TCEANC2: variants seen among roughly 807,000 people sequenced by gnomAD.
TCEANC2 encodes the protein transcription elongation factor A N-terminal and central domain containing 2.
Under a neutral mutation model 22.8 loss-of-function variants are expected in TCEANC2, and 20 were observed. The ratio of observed to expected loss-of-function variants is 0.88; its 90% confidence interval spans 0.62 to 1.28. TCEANC2 has a LOEUF of 1.28. TCEANC2 is among the 50% of genes most tolerant of loss of function. TCEANC2 has a pLI of 0.00. For synonymous variants in TCEANC2, 84 were observed against 95.5 expected, an observed-to-expected ratio of 0.88 and a Z score of 0.70; for missense variants, 251 against 249.7, an observed-to-expected ratio of 1.01 and a Z score of -0.03.
chr1:54,085,301 G>T (rs1658318159), intron 3 of TCEANC2, among the ~76,000 whole-genome samples: 1 of 152,170 alleles, frequency 6.6e-6, no homozygotes. Context: ...TTCAATAAAT[G>T]TGTGGAGAAT....
At chr1:54,074,186 G>A (rs939835473) in intron 3 of TCEANC2, among the ~76,000 whole-genome samples, 2 of 152,126 alleles carry the variant, frequency 1.3e-5, no homozygotes, top group African/African-American at 2.4e-5. Context: ...ATAAGCTGCC[G>A]GGCGCAGTGG....
At chr1:54,082,825 C>T (rs1436226843) in intron 3 of TCEANC2, among the ~76,000 whole-genome samples, 1 of 151,992 alleles carries the variant, frequency 6.6e-6, no homozygotes, top group East Asian at 1.9e-4. Context: ...GGAGAACCAT[C>T]GGAGGATTTT....
At chr1:54,109,744 A>G (rs867381564), downstream of TCEANC2, among the ~76,000 whole-genome samples, 8 of 152,298 alleles carry the variant, frequency 5.3e-5, no homozygotes, top group Middle Eastern at 6.8e-3. Flanking sequence ...TCCCTCAGCC[A>G]TGGGTTTTCA....
chr1:54,099,229 G>C lies in TCEANC2; in HGVS notation c.*2756G>C, dbSNP rs1250746868. On this transcript the variant is annotated 3_prime_UTR_variant, in exon 5 of 5. Transcript: ENST00000234827. Reference sequence around the variant, plus strand: ...GCTCTCTGGCTGAAAGCCTTCAGTGGTGATAGTTGGAAAGTAGAATGATTG... The same window carrying C: ...GCTCTCTGGCTGAAAGCCTTCAGTGCTGATAGTTGGAAAGTAGAATGATTG... The C allele has an allele frequency of 6.6e-6, 1 of 152,260 alleles. No individual in the cohort carries two copies. Among genetic ancestry groups the C allele is most frequent in the Non-Finnish European group, 1.5e-5 (1 of 68,048 alleles). The allele number at this position is 152,260 out of a possible 1,614,324, so 9.4% of individuals were successfully genotyped here.
At position 54,104,517 on chromosome 1, in the gene TCEANC2, ACTT is replaced by A. The variant is rs1337160665; in HGVS notation, c.*8048_*8050del. 1 of 439,824 alleles carries A rather than the reference ACTT, an allele frequency of 2.3e-6. No homozygotes were observed. The highest frequency in any genetic ancestry group is 4.5e-6 in the Non-Finnish European group (1 of 219,864). The allele number at this position is 439,824 out of a possible 1,614,324, so 27.2% of individuals were successfully genotyped here. ...TGGTACTCAGTTGATTCACGTGGAG[ACTT>A]CTTGGTATTCCTTTGCCCAATTTTT... On this transcript the variant is annotated 3_prime_UTR_variant, in exon 5 of 5. Coordinates refer to ENST00000234827, the MANE Select transcript of TCEANC2 (RefSeq NM_153035.3).
intron 3 of TCEANC2, among the ~76,000 whole-genome samples, chr1:54,077,976 A>G (rs775714551): frequency 8.5e-5 from 13 of 152,276 alleles, no homozygotes; most frequent in Non-Finnish European, 1.8e-4. Context: ...CCTCTTGGAT[A>G]TGCATCTCCT....
At chr1:54,061,492 ATTACTACTAACATTTAT>A (rs577197720) in intron 2 of TCEANC2, among the ~76,000 whole-genome samples, 1 of 152,336 alleles carries the variant, frequency 6.6e-6, no homozygotes, top group East Asian at 1.9e-4. Flanking sequence ...AGTAATAAGG[ATTACTACTAACATTTAT>A]TGAGTCCATT....
chr1:54,078,039 A>G (rs983222294), intron 3 of TCEANC2, among the ~76,000 whole-genome samples: 6 of 152,208 alleles, frequency 3.9e-5, no homozygotes, highest in African/African-American at 1.4e-4. Context: ...TCCAATTTAC[A>G]TTCCTACCAT....
intron 2 of TCEANC2, among the ~76,000 whole-genome samples, chr1:54,063,887 T>G (rs1643154501): frequency 6.6e-6 from 1 of 152,204 alleles, no homozygotes; most frequent in African/African-American, 2.4e-5. Context: ...TTAAAAATAC[T>G]TTTGACCTAT....
At chr1:54,106,460 A>G (rs1658755794), downstream of TCEANC2, among the ~76,000 whole-genome samples, 2 of 152,218 alleles carry the variant, frequency 1.3e-5, no homozygotes, top group South Asian at 4.1e-4. Flanking sequence ...TATTACTTTG[A>G]CATGTGATCA....
At chr1:54,068,701 A>T in intron 2 of TCEANC2, 55 bp from the exon 3 acceptor site, 1 of 1,549,936 alleles carries the variant, frequency 6.5e-7, no homozygotes, top group Non-Finnish European at 8.7e-7. Context: ...AGGTGAAGGC[A>T]GATGTCTTTC....
At chr1:54,054,152 C>G in intron 1 of TCEANC2, 1 of 1,098,984 alleles carries the variant, frequency 9.1e-7, no homozygotes, top group Middle Eastern at 2.1e-4. Context: ...AGAGCGTGCA[C>G]TTCTGGAAGC....
In TCEANC2 at chr1:54,101,255, A is replaced by T. The variant is rs1658657727; in HGVS notation, c.*4782A>T. On this transcript the variant is annotated 3_prime_UTR_variant, in exon 5 of 5. Transcript: ENST00000234827. ...GCAAAGGCTCAGTTTGTTACTGCCC[A>T]TTATTGCAAGGGAAGGGAGTCCATC... The T allele has an allele frequency of 6.6e-6, 1 of 152,204 alleles. No homozygotes were observed. The highest frequency in any genetic ancestry group is 1.5e-5 in the Non-Finnish European group (1 of 68,034). 9.4% of individuals were successfully genotyped at this position (152,204 alleles called of 1,614,324 possible).
At chr1:54,110,494 CTTGGGAGGCTGAA>C (rs978367299), downstream of TCEANC2, among the ~76,000 whole-genome samples, 8 of 151,920 alleles carry the variant, frequency 5.3e-5, no homozygotes, top group African/African-American at 1.7e-4. Flanking sequence ...GTCCCAGCTA[CTTGGGAGGCTGAA>C]GTGGGAGGAT....
rs1025669144 is a variant in TCEANC2, at chr1:54,077,985, C to T, written c.244+9088C>T. Among the ~76,000 whole-genome samples the T allele has an allele frequency of 9.2e-5, 14 of 152,276 alleles. No homozygotes were observed. The East Asian group carries it at 2.5e-3, about 27-fold the overall frequency. On this transcript the variant is annotated intron_variant, in intron 3 of 4. Coordinates refer to ENST00000234827, the MANE Select transcript of TCEANC2 (RefSeq NM_153035.3). ...CAGATACCTCTTGGATATGCATCTC[C>T]TATCCTGATCCATTTTTGAATCTTA...
chr1:54,089,895 G>A, intron 4 of TCEANC2: 2 of 716,052 alleles, frequency 2.8e-6, no homozygotes, highest in Non-Finnish European at 5.0e-6. Flanking sequence ...TCGTCTCCAA[G>A]TTTGAAGCAT....
Position 54,097,435 on chromosome 1 carries a change from G to A in TCEANC2, c.*962G>A, listed in dbSNP as rs1339509333. The stretch of plus-strand genomic sequence containing the variant: ...AGGAATGTAGAAGACTCAAGGAAGT[G>A]GGGATTAGATTAGGGGAGACTGGAG... On this transcript the variant is annotated 3_prime_UTR_variant, in exon 5 of 5. Transcript: ENST00000234827. 2 of 152,104 alleles carry A rather than the reference G, an allele frequency of 1.3e-5. No homozygotes were observed. Among genetic ancestry groups the A allele is most frequent in the Admixed American group, 6.5e-5 (1 of 15,276 alleles). 9.4% of individuals were successfully genotyped at this position (152,104 alleles called of 1,614,324 possible).
intron 3 of TCEANC2, among the ~76,000 whole-genome samples, chr1:54,073,325 G>T (rs1658091590): frequency 6.6e-6 from 1 of 152,220 alleles, no homozygotes; most frequent in South Asian, 2.1e-4. Context: ...CTCCAAAGGG[G>T]ATTAACTTCT....
At chr1:54,062,223 A>G (rs1157280544) in intron 2 of TCEANC2, among the ~76,000 whole-genome samples, 1 of 152,204 alleles carries the variant, frequency 6.6e-6, no homozygotes, top group East Asian at 1.9e-4. Flanking sequence ...GTAAAACCAG[A>G]TGGTATATTG....
Sources: gnomAD v4.1 joint callset for allele counts (sites outside exome capture counted in the v4.1 genomes callset) on GRCh38, gnomAD v4.1.1 for gene constraint, MANE v1.5 for transcripts, NCBI Gene and HGNC (gene_info 2026-07-23, HGNC 2026-07-21) for gene names.